SLC44A5: variants seen among roughly 807,000 people sequenced by gnomAD.
The protein encoded by SLC44A5 is solute carrier family 44 member 5.
Under a neutral mutation model 101.8 loss-of-function variants are expected in SLC44A5, and 57 were observed. The observed-to-expected ratio is 0.56, with a 90% CI of 0.45 to 0.70. SLC44A5 has a LOEUF of 0.70. Ranked by LOEUF, SLC44A5 falls within the 30% of genes least tolerant of loss-of-function variation. The pLI is 0.00. For missense variants in SLC44A5, 737 were observed against 853.1 expected (o/e 0.86, Z 1.70); for synonymous variants, 281 against 290.9 (o/e 0.97, Z 0.35).
At chr1:75,257,094 C>T (rs1206764444) in intron 6 of SLC44A5, among the ~76,000 whole-genome samples, 6 of 152,056 alleles carry the variant, frequency 3.9e-5, no homozygotes, top group Non-Finnish European at 8.8e-5. Context: ...GAATGAGAGA[C>T]CATTGCTTTT....
chr1:75,414,685 G>A (rs761670083), intron 2 of SLC44A5, among the ~76,000 whole-genome samples: 2 of 152,184 alleles, frequency 1.3e-5, no homozygotes, highest in East Asian at 3.9e-4. Flanking sequence ...ACAGGCAGGA[G>A]TTAAATAGGC....
chr1:75,618,667 A>T, the SLC44A5 span, among the ~76,000 whole-genome samples: 1 of 152,238 alleles, frequency 6.6e-6, no homozygotes, highest in Non-Finnish European at 1.5e-5. Context: ...GGTATAATCC[A>T]TTGCTCCTCA....
At chr1:75,523,479 AT>A (rs143539892) in intron 2 of SLC44A5, among the ~76,000 whole-genome samples, 19,733 of 144,822 alleles carry the variant, frequency 0.14, 1,301 homozygotes, top group Non-Finnish European at 0.15. Context: ...CGCCCAGCTA[AT>A]TTTTTTTTTT....
the SLC44A5 span, among the ~76,000 whole-genome samples, chr1:75,699,512 T>C: frequency 6.8e-6 from 1 of 147,540 alleles, no homozygotes; most frequent in Non-Finnish European, 1.5e-5. Flanking sequence ...GCGCTAAACA[T>C]GGAAAGGAAC....
intron 1 of SLC44A5, among the ~76,000 whole-genome samples, chr1:75,571,514 A>G (rs1206826632): frequency 6.6e-6 from 1 of 152,134 alleles, no homozygotes; most frequent in Non-Finnish European, 1.5e-5. Context: ...TCCCTCAAGT[A>G]CCCATATAAC....
intron 1 of SLC44A5, among the ~76,000 whole-genome samples, chr1:75,608,184 A>T (rs1258705374): frequency 1.4e-5 from 2 of 147,688 alleles, no homozygotes; most frequent in Admixed American, 7.0e-5. Flanking sequence ...CAAAAACAAA[A>T]CAAAACAAAA....
At chr1:75,236,397 C>T (rs965336655) in intron 11 of SLC44A5, among the ~76,000 whole-genome samples, 1 of 151,922 alleles carries the variant, frequency 6.6e-6, no homozygotes, top group Non-Finnish European at 1.5e-5. Flanking sequence ...ACTACATTTC[C>T]TTAACTTTCT....
chr1:75,492,323 G>A (rs1338828826), intron 2 of SLC44A5, among the ~76,000 whole-genome samples: 4 of 152,140 alleles, frequency 2.6e-5, no homozygotes. Flanking sequence ...AACTTTAGTA[G>A]CATAACAGAA....
At chr1:75,431,313 T>C (rs1401068657) in intron 2 of SLC44A5, among the ~76,000 whole-genome samples, 4 of 152,094 alleles carry the variant, frequency 2.6e-5, no homozygotes, top group African/African-American at 9.7e-5. Context: ...CCTCAGTGGT[T>C]CCCCTCCCCG....
chr1:75,386,438 A>G (rs1390182073), intron 3 of SLC44A5, among the ~76,000 whole-genome samples: 2 of 152,222 alleles, frequency 1.3e-5, no homozygotes, highest in Admixed American at 6.5e-5. Context: ...GAGCCAAATC[A>G]TGAGTGAAAT....
In SLC44A5 at chr1:75,203,642, C is replaced by A; in HGVS notation, c.*85G>T. On this transcript the variant is annotated 3_prime_UTR_variant, in exon 24 of 24. Coordinates refer to ENST00000370859, the MANE Select transcript of SLC44A5 (RefSeq NM_001130058.2). ...GTCGTGAATACAGTGTTGCTAAACA[C>A]AAAGCACTTATGAAACAAATGTTGC... 6.9e-7 allele frequency: 1 copy of A among 1,450,864 alleles called. No homozygotes were observed. Among genetic ancestry groups the A allele is most frequent in the South Asian group, 1.5e-5 (1 of 67,174 alleles). The allele number at this position is 1,450,864 out of a possible 1,614,324, so 89.9% of individuals were successfully genotyped here.
intron 2 of SLC44A5, among the ~76,000 whole-genome samples, chr1:75,447,667 C>A (rs534870209): frequency 2.0e-5 from 3 of 152,206 alleles, no homozygotes; most frequent in African/African-American, 7.2e-5. Context: ...TAGAGGCTCT[C>A]ATAGGTGAAC....
chr1:75,501,757 G>A (rs1668970165), intron 2 of SLC44A5, among the ~76,000 whole-genome samples: 1 of 152,202 alleles, frequency 6.6e-6, no homozygotes, highest in Non-Finnish European at 1.5e-5. Context: ...GCTTCTTGCT[G>A]AGTAATTATG....
chr1:75,437,131 A>G (rs917590995), intron 2 of SLC44A5, among the ~76,000 whole-genome samples: 1 of 152,218 alleles, frequency 6.6e-6, no homozygotes, highest in African/African-American at 2.4e-5. Context: ...CTCTAAAATA[A>G]TAATGAAAAG....
the SLC44A5 span, among the ~76,000 whole-genome samples, chr1:75,652,170 G>T: frequency 6.6e-6 from 1 of 152,162 alleles, no homozygotes; most frequent in Non-Finnish European, 1.5e-5. Context: ...CCTCCCAAGT[G>T]CTGGCAGGCC....
At chr1:75,488,272 C>T (rs1668257293) in intron 2 of SLC44A5, among the ~76,000 whole-genome samples, 1 of 152,136 alleles carries the variant, frequency 6.6e-6, no homozygotes, top group Non-Finnish European at 1.5e-5. Context: ...AAATTGTCTC[C>T]CAAGAAACCA....
At chr1:75,241,069 T>C (rs1240433307) in intron 9 of SLC44A5, among the ~76,000 whole-genome samples, 2 of 59,630 alleles carry the variant, frequency 3.4e-5, no homozygotes, top group East Asian at 1.6e-3. Flanking sequence ...GAATACATTA[T>C]AATTTAAATA....
chr1:75,271,950 C>G (rs968785672), intron 6 of SLC44A5, among the ~76,000 whole-genome samples: 3 of 152,096 alleles, frequency 2.0e-5, no homozygotes, highest in African/African-American at 7.2e-5. Flanking sequence ...AAAAATGTTC[C>G]CTTTTCACCA....
chr1:75,245,362 C>A (rs550680300), intron 7 of SLC44A5, among the ~76,000 whole-genome samples: 6 of 152,194 alleles, frequency 3.9e-5, no homozygotes, highest in African/African-American at 1.4e-4. Context: ...TGCAACACAC[C>A]CACATCTTTT....
Sources: gnomAD v4.1 joint callset for allele counts (sites outside exome capture counted in the v4.1 genomes callset) on GRCh38, gnomAD v4.1.1 for gene constraint, MANE v1.5 for transcripts, NCBI Gene and HGNC (gene_info 2026-07-23, HGNC 2026-07-21) for gene names.